SYNE1: variants seen among roughly 807,000 people sequenced by gnomAD.
SYNE1 encodes the protein nesprin-1.
SYNE1 carries 616 observed loss-of-function variants against 1,111.0 expected under a neutral mutation model. The ratio of observed to expected loss-of-function variants is 0.55; its 90% CI spans 0.52 to 0.59. The LOEUF is 0.59. Among genes scored for constraint, SYNE1 ranks in the 20% least tolerant of loss-of-function variants. The pLI, the probability that SYNE1 is intolerant of heterozygous loss-of-function variation, is 0.00. For missense variants in SYNE1, 10,006 were observed against 10,417.0 expected, an observed-to-expected ratio of 0.96 and a Z score of 1.72; for synonymous variants, 3,855 against 3,825.8, an observed-to-expected ratio of 1.01 and a Z score of -0.28.
At chr6:152,547,884 G>A (rs186843193) in intron 3 of SYNE1, among the ~76,000 whole-genome samples, 70 of 152,236 alleles carry the variant, frequency 4.6e-4, no homozygotes, top group African/African-American at 1.4e-3. Context: ...TCAATTGTAT[G>A]TGTGTGTCAT....
chr6:152,572,884 A>T (rs1157559866), intron 3 of SYNE1, among the ~76,000 whole-genome samples: 1 of 152,182 alleles, frequency 6.6e-6, no homozygotes, highest in Non-Finnish European at 1.5e-5. Context: ...AACAGAGCAT[A>T]CAAAAACAAA....
intron 36 of SYNE1, 100 bp from the exon 37 acceptor site, chr6:152,428,492 T>C (rs2098394602): frequency 5.1e-6 from 6 of 1,176,194 alleles, no homozygotes; most frequent in Non-Finnish European, 6.2e-6. Flanking sequence ...CCCTCAGTCA[T>C]AATAAACAGG....
At chr6:152,233,556 C>G (rs897847671) in intron 112 of SYNE1, among the ~76,000 whole-genome samples, 12 of 152,090 alleles carry the variant, frequency 7.9e-5, no homozygotes, top group African/African-American at 2.7e-4. Flanking sequence ...AACTCCTGAG[C>G]TCAGGCAATC....
chr6:152,334,599 C>T (rs1020669538), intron 76 of SYNE1, among the ~76,000 whole-genome samples: 4 of 152,236 alleles, frequency 2.6e-5, no homozygotes, highest in Non-Finnish European at 4.4e-5. Context: ...CCTTGAAGTG[C>T]GGCCTTTGTT....
rs921206470 is a variant in SYNE1, at chr6:152,599,967, C to T, written c.67+28298G>A. Among the ~76,000 whole-genome samples the T allele has an allele frequency of 9.9e-5, 15 of 152,048 alleles. 1 individual carries two copies. Among genetic ancestry groups the T allele is most frequent in the African/African-American group, 2.7e-4 (11 of 41,376 alleles). On this transcript the variant is annotated intron_variant, in intron 3 of 145. Coordinates refer to ENST00000367255, the MANE Select transcript of SYNE1 (RefSeq NM_182961.4). ...AGAACTACCTGGAAGGTAAAAGGTA[C>T]GACTTGGGTTGAACCAAAAAATAAT...
chr6:152,339,398 T>C (rs747242507), intron 74 of SYNE1, 32 bp from the exon 75 acceptor site: 1 of 1,611,692 alleles, frequency 6.2e-7, no homozygotes, highest in Admixed American at 1.7e-5. Flanking sequence ...GTGAAAGAGA[T>C]GCATCAGCTA....
In SYNE1 at chr6:152,484,970, T is replaced by G. The variant is rs1466192584; in HGVS notation, c.1050A>C (p.Ser350=). Residue 350 remains serine (S), a splice_region_variant and synonymous_variant, in exon 13 of 146, where the codon TCA becomes TCC. Transcript: ENST00000367255. ...CATATTGAACTCTGAAGTGCTTAAA[T>G]GACTAAAAGAGGAAAAACAGCAACA... is the stretch of plus-strand genomic sequence containing the variant. The part of the protein sequence containing the change: ...VESNLQDKYQ[S]FKHFRVQYEM... The G allele has an allele frequency of 6.2e-7, 1 of 1,611,004 alleles. No individual in the cohort carries two copies. The highest frequency in any genetic ancestry group is 8.5e-7 in the Non-Finnish European group (1 of 1,179,176).
chr6:152,240,590 T>C (rs2085396765), intron 107 of SYNE1, among the ~76,000 whole-genome samples: 1 of 152,212 alleles, frequency 6.6e-6, no homozygotes, highest in African/African-American at 2.4e-5. Flanking sequence ...AGTACCATGA[T>C]AAAATGGAAG....
At chr6:152,210,012 T>C (rs984643171) in intron 124 of SYNE1, among the ~76,000 whole-genome samples, 5 of 152,154 alleles carry the variant, frequency 3.3e-5, no homozygotes, top group African/African-American at 4.8e-5. Context: ...CCTCTCTTGA[T>C]ACAACCAAGC....
At chr6:152,265,158 A>T (rs1215021557) in intron 100 of SYNE1, among the ~76,000 whole-genome samples, 1 of 146,416 alleles carries the variant, frequency 6.8e-6, no homozygotes, top group African/African-American at 2.5e-5. Flanking sequence ...GTGAGCTGAG[A>T]TCGCATCACT....
rs2084199601 is a variant in SYNE1 at position 152,236,825 on chromosome 6, G to A, written c.20191C>T (p.Leu6731Phe). 1 of 1,614,188 alleles carries A rather than the reference G, an allele frequency of 6.2e-7. No homozygotes were observed. The highest frequency in any genetic ancestry group is 2.2e-5 in the East Asian group (1 of 44,880). ...NEDRLIDRITLYQHLKSSLNE... is the reference protein window; with the variant it reads ...NEDRLIDRITFYQHLKSSLNE... Reference sequence around the variant, plus strand: ...CGGCTTGTAACACCAACCTGGTAGAGTGTTATGCGGTCAATAAGCCTGTCC... The same window carrying A: ...CGGCTTGTAACACCAACCTGGTAGAATGTTATGCGGTCAATAAGCCTGTCC... The change falls in exon 109 of 146, where the codon CTC becomes TTC. Residue 6731 changes from leucine (L) to phenylalanine (F), a missense_variant. Coordinates refer to ENST00000367255, the MANE Select transcript of SYNE1 (RefSeq NM_182961.4).
intron 137 of SYNE1, chr6:152,146,049 A>AAAC (rs1309159310): frequency 1.7e-5 from 3 of 175,788 alleles, no homozygotes; most frequent in African/African-American, 4.8e-5. Flanking sequence ...AAAAAAAAAA[A>AAAC]AGAACTCACA....
rs146915561 is a variant in SYNE1 at position 152,582,117 on chromosome 6, C to T, written c.68-42096G>A. Among the ~76,000 whole-genome samples the T allele has an allele frequency of 4.3e-3, 649 of 152,214 alleles. 4 individuals are homozygous for T. The highest frequency in any genetic ancestry group is 6.8e-3 in the Middle Eastern group (2 of 292). ...TGCCAAATCGTATCCCCCTCCACCC[C>T]CTACTTCCCAAACATAGCCAGGACT... On this transcript the variant is annotated intron_variant, in intron 3 of 145. Transcript: ENST00000367255.
At chr6:152,343,876 T>C (rs779635173) in intron 74 of SYNE1, among the ~76,000 whole-genome samples, 25 of 152,162 alleles carry the variant, frequency 1.6e-4, no homozygotes, top group Non-Finnish European at 3.4e-4. Flanking sequence ...CCCCATTCTC[T>C]TTCTAGTCTA....
intron 46 of SYNE1, among the ~76,000 whole-genome samples, chr6:152,401,921 A>G (rs1041698136): frequency 5.3e-5 from 8 of 152,190 alleles, no homozygotes; most frequent in African/African-American, 1.9e-4. Context: ...CAATTCCACA[A>G]TTCAAACATC....
intron 105 of SYNE1, among the ~76,000 whole-genome samples, chr6:152,247,119 G>A (rs1380923699): frequency 6.6e-6 from 1 of 152,198 alleles, no homozygotes; most frequent in Non-Finnish European, 1.5e-5. Context: ...TCAGGATGGT[G>A]GTGAAGGGAA....
At position 152,497,511 on chromosome 6, in the gene SYNE1, T is replaced by A. The variant is rs571842869; in HGVS notation, c.939+1231A>T. 7.2e-5 allele frequency among the ~76,000 whole-genome samples: 11 copies of A among 152,324 alleles called. No individual in the cohort carries two copies. The East Asian group carries it at 2.1e-3, about 29-fold the overall frequency. ...CCACCAGAAGTGACCCATCTAACAG[T>A]GAGCACAAGACTTCATTGTGAGCCT... On this transcript the variant is annotated intron_variant, in intron 11 of 145. Coordinates refer to ENST00000367255, the MANE Select transcript of SYNE1 (RefSeq NM_182961.4).
At chr6:152,531,779 CTTA>C (rs977966750) in intron 4 of SYNE1, among the ~76,000 whole-genome samples, 3 of 152,174 alleles carry the variant, frequency 2.0e-5, no homozygotes, top group Non-Finnish European at 4.4e-5. Context: ...GCTTATTTCA[CTTA>C]TTATAACGTC....
At chr6:152,169,126 A>G (rs1241487790) in intron 130 of SYNE1, among the ~76,000 whole-genome samples, 1 of 152,098 alleles carries the variant, frequency 6.6e-6, no homozygotes, top group Admixed American at 6.5e-5. Context: ...AATAAATAAT[A>G]AATATTAAAT....
Sources: gnomAD v4.1 joint callset for allele counts (sites outside exome capture counted in the v4.1 genomes callset) on GRCh38, gnomAD v4.1.1 for gene constraint, MANE v1.5 for transcripts, NCBI Gene and HGNC (gene_info 2026-07-23, HGNC 2026-07-21) for gene names.